SORCS1: variants seen among roughly 807,000 people sequenced by gnomAD.
SORCS1 encodes VPS10 domain-containing receptor SorCS1.
A neutral mutation model predicts 146.1 loss-of-function variants in SORCS1; 60 were observed. That is an observed-to-expected ratio of 0.41 (90% CI 0.33 to 0.51). The LOEUF (loss-of-function observed/expected upper bound fraction) is 0.51, where lower values mean the gene tolerates loss of function less well. SORCS1 is among the 20% of genes least tolerant of loss of function. The pLI, the probability that SORCS1 is intolerant of heterozygous loss-of-function variation, is 0.21. For synonymous variants in SORCS1, 637 were observed against 584.0 expected (o/e 1.09, Z -1.31); for missense variants, 1,352 against 1,487.6 (o/e 0.91, Z 1.50).
chr10:106,620,248 CAGAGAG>C (rs112818359), intron 20 of SORCS1, 174 bp downstream of exon 20: 78 of 586,232 alleles, frequency 1.3e-4, no homozygotes, highest in South Asian at 3.8e-4. Context: ...GGAGAGGGGC[CAGAGAG>C]AGAGAGAGAG....
intron 2 of SORCS1, among the ~76,000 whole-genome samples, chr10:106,860,393 A>G (rs1233796371): frequency 6.6e-6 from 1 of 152,138 alleles, no homozygotes; most frequent in Non-Finnish European, 1.5e-5. Flanking sequence ...CATAGGCTGC[A>G]TTACCCTACA....
intron 1 of SORCS1, among the ~76,000 whole-genome samples, chr10:107,087,499 A>C (rs1489077540): frequency 6.6e-6 from 1 of 152,236 alleles, no homozygotes; most frequent in East Asian, 1.9e-4. Flanking sequence ...GTTTTAACCT[A>C]ACGGAATAGT....
chr10:107,137,439 C>T lies in SORCS1; in HGVS notation c.558+26530G>A, dbSNP rs1005241923. 5.3e-5 allele frequency among the ~76,000 whole-genome samples: 8 copies of T among 152,256 alleles called. No individual in the cohort carries two copies. The East Asian group carries it at 1.4e-3, about 26-fold the overall frequency. ...AACTCCCTGAATTTATTTTTACTGC[C>T]CTGCCAGACTAGCCTACATCCCCTC... On this transcript the variant is annotated intron_variant, in intron 1 of 25. Coordinates refer to ENST00000263054, the MANE Select transcript of SORCS1 (RefSeq NM_052918.5).
At chr10:107,004,551 T>A (rs1229974697) in intron 1 of SORCS1, among the ~76,000 whole-genome samples, 1 of 152,156 alleles carries the variant, frequency 6.6e-6, no homozygotes, top group Admixed American at 6.5e-5. Flanking sequence ...CAGAACAGTA[T>A]GGAGGAAATG....
chr10:106,720,859 A>C (rs543104575), intron 6 of SORCS1, among the ~76,000 whole-genome samples: 67 of 151,986 alleles, frequency 4.4e-4, no homozygotes, highest in Non-Finnish European at 7.8e-4. Context: ...AAAGAACCCA[A>C]TTTGAAAGCT....
At chr10:106,620,811 T>TA (rs5787679) in intron 19 of SORCS1, among the ~76,000 whole-genome samples, 12 of 151,594 alleles carry the variant, frequency 7.9e-5, no homozygotes, top group Admixed American at 3.3e-4. Context: ...GTGTAAAAGT[T>TA]AAAAAAAAAT....
intron 1 of SORCS1, among the ~76,000 whole-genome samples, chr10:107,076,325 T>G (rs1962877575): frequency 6.6e-6 from 1 of 152,166 alleles, no homozygotes; most frequent in Non-Finnish European, 1.5e-5. Context: ...AGGAATCTAC[T>G]TAATATTGCA....
chr10:106,781,696 G>A (rs1267426522), intron 3 of SORCS1, among the ~76,000 whole-genome samples: 2 of 152,172 alleles, frequency 1.3e-5, no homozygotes, highest in Non-Finnish European at 2.9e-5. Context: ...GCTGACCAAT[G>A]AGGGTGGAAA....
chr10:106,962,165 C>T (rs181617376), intron 1 of SORCS1, among the ~76,000 whole-genome samples: 8 of 151,932 alleles, frequency 5.3e-5, no homozygotes, highest in Admixed American at 2.6e-4. Flanking sequence ...TTTGGGAGGC[C>T]GAGGCAGGAG....
At chr10:106,789,107 G>C (rs1946195540) in intron 3 of SORCS1, among the ~76,000 whole-genome samples, 1 of 152,190 alleles carries the variant, frequency 6.6e-6, no homozygotes, top group Non-Finnish European at 1.5e-5. Context: ...GAGCTGTGTG[G>C]TGGTCCCTTT....
chr10:107,069,306 T>C (rs1962211732), intron 1 of SORCS1, among the ~76,000 whole-genome samples: 1 of 152,226 alleles, frequency 6.6e-6, no homozygotes, highest in Non-Finnish European at 1.5e-5. Flanking sequence ...ATTATTTCCA[T>C]ATTTCTGAAA....
intron 3 of SORCS1, among the ~76,000 whole-genome samples, chr10:106,797,265 A>G (rs916584840): frequency 5.9e-5 from 9 of 152,166 alleles, no homozygotes; most frequent in African/African-American, 7.2e-5. Flanking sequence ...ATCTGCATCA[A>G]AGTGTTTCAA....
chr10:106,579,566 G>GT (rs1256540701), intron 24 of SORCS1, 92 bp from the exon 25 acceptor site: 2 of 1,313,764 alleles, frequency 1.5e-6, no homozygotes, highest in East Asian at 2.4e-5. Flanking sequence ...ACAAGCAGAG[G>GT]TAAGTCCTGG....
At chr10:106,988,989 G>C (rs752853385) in intron 1 of SORCS1, among the ~76,000 whole-genome samples, 1 of 151,692 alleles carries the variant, frequency 6.6e-6, no homozygotes, top group South Asian at 2.1e-4. Context: ...TCCCAGGCAC[G>C]GTGGCTCACA....
intron 3 of SORCS1, among the ~76,000 whole-genome samples, chr10:106,825,365 A>G (rs558697280): frequency 7.0e-6 from 1 of 141,970 alleles, no homozygotes; most frequent in Admixed American, 7.7e-5. Context: ...TCCGTCTCCC[A>G]GGTTCACGCC....
chr10:107,064,630 C>T (rs1320950322), intron 1 of SORCS1, among the ~76,000 whole-genome samples: 1 of 152,184 alleles, frequency 6.6e-6, no homozygotes, highest in African/African-American at 2.4e-5. Flanking sequence ...TTTTGAACAT[C>T]TATCCAGAAG....
At chr10:106,690,886 C>T (rs1853245634) in intron 9 of SORCS1, among the ~76,000 whole-genome samples, 2 of 152,158 alleles carry the variant, frequency 1.3e-5, no homozygotes, top group South Asian at 2.1e-4. Context: ...CTCACGGAAA[C>T]CCCTAGGCAC....
At position 107,008,574 on chromosome 10, in the gene SORCS1, G is replaced by A. The variant is rs139146690; in HGVS notation, c.559-51994C>T. 1.1e-4 allele frequency among the ~76,000 whole-genome samples: 17 copies of A among 152,244 alleles called. No homozygotes were observed. In the East Asian group the frequency reaches 2.5e-3, roughly 22 times the overall value. On this transcript the variant is annotated intron_variant, in intron 1 of 25. Transcript: ENST00000263054. ...GATTGATGAATAGGTTGTGTTAAAC[G>A]GTACAATTAGAAACAATATTTGATA... is the stretch of plus-strand genomic sequence containing the variant.
intron 3 of SORCS1, among the ~76,000 whole-genome samples, chr10:106,823,733 G>A (rs1948165151): frequency 6.6e-6 from 1 of 152,144 alleles, no homozygotes; most frequent in African/African-American, 2.4e-5. Flanking sequence ...AAGAGGGAGT[G>A]AGCAAGTCTC....
Sources: gnomAD v4.1 joint callset for allele counts (sites outside exome capture counted in the v4.1 genomes callset) on GRCh38, gnomAD v4.1.1 for gene constraint, MANE v1.5 for transcripts, NCBI Gene and HGNC (gene_info 2026-07-23, HGNC 2026-07-21) for gene names.